Variants in CENPN observed in about 807,000 individuals in gnomAD.
CENPN encodes interphase centromere complex protein 32.
CENPN carries 36 observed loss-of-function variants against 48.6 expected under a neutral mutation model. That is an observed-to-expected ratio of 0.74 (90% CI 0.57 to 0.98). The LOEUF is 0.98. Ranked by LOEUF, CENPN falls within the 50% of genes least tolerant of loss-of-function variation. The pLI is 0.00. For missense variants in CENPN, 439 were observed against 399.2 expected (o/e 1.10, Z -0.85); for synonymous variants, 166 against 135.2 (o/e 1.23, Z -1.58).
chr16:81,029,263 T>C lies in CENPN; in HGVS notation c.*612T>C, dbSNP rs937466664. On this transcript the variant is annotated 3_prime_UTR_variant, in exon 11 of 11. Transcript: ENST00000305850. The stretch of plus-strand genomic sequence containing the variant: ...AATCTATTTTATCATGTGTATAACA[T>C]TCAAACTGACAAATATATTGACTTA... 1.1e-6 allele frequency: 1 copy of C among 914,642 alleles called. No individual in the cohort carries two copies. Among genetic ancestry groups the C allele is most frequent in the Non-Finnish European group, 1.3e-6 (1 of 765,536 alleles). 56.7% of individuals were successfully genotyped at this position (914,642 alleles called of 1,614,324 possible). A position where few individuals can be genotyped will look rare whatever the true frequency, so the allele number is the denominator to read the frequency against.
chr16:81,022,654 T>C lies in CENPN; in HGVS notation c.589T>C (p.Tyr197His), dbSNP rs763385585. 5.0e-6 allele frequency: 8 copies of C among 1,613,978 alleles called. No individual in the cohort carries two copies. Among genetic ancestry groups the C allele is most frequent in the Non-Finnish European group, 5.9e-6 (7 of 1,179,990 alleles). The change falls in exon 7 of 11, where the codon TAT (tyrosine) becomes CAT (histidine). Residue 197 changes from tyrosine to histidine, a missense_variant. By Grantham distance (83) the Tyr-to-His change is moderately conservative. Coordinates refer to ENST00000305850, the MANE Select transcript of CENPN (RefSeq NM_001100624.3). ...QIVKMDLRSR[Y>H]LDSLKAIVFK... ...TGTGAAAATGGACCTGAGAAGTCGG[T>C]ATCTGGACTCTCTTAAGGCTATTGT...
At chr16:81,009,738 T>G (rs1969663996) in intron 1 of CENPN, among the ~76,000 whole-genome samples, 1 of 152,222 alleles carries the variant, frequency 6.6e-6, no homozygotes, top group African/African-American at 2.4e-5. Flanking sequence ...GCCAGGACTC[T>G]TGTAGGAAGA....
At position 81,026,105 on chromosome 16, in the gene CENPN, G is replaced by GTA. The variant is rs1230932976; in HGVS notation, c.698-411_698-410dup. ...TGTGTGTGTGTATATATATGTGTGT[G>GTA]TATATATATATGTATATATATGTGT... On this transcript the variant is annotated intron_variant, in intron 8 of 10. Transcript: ENST00000305850. Among the ~76,000 whole-genome samples, 93 of 143,878 alleles carry GTA rather than the reference G, an allele frequency of 6.5e-4. 2 individuals carry two copies. In the East Asian group the frequency reaches 0.013, roughly 21 times the overall value. The allele number at this position is 143,878 out of a possible 152,430, so 94.4% of individuals were successfully genotyped here.
At chr16:81,032,733 A>G (rs1393350132), downstream of CENPN, 1 of 1,575,426 alleles carries the variant, frequency 6.3e-7, no homozygotes, top group Admixed American at 1.8e-5. Flanking sequence ...TAAATGGTTA[A>G]TCAAATGTAT....
intron 3 of CENPN, among the ~76,000 whole-genome samples, chr16:81,015,299 C>T (rs1466473753): frequency 6.6e-6 from 1 of 152,164 alleles, no homozygotes; most frequent in Non-Finnish European, 1.5e-5. Flanking sequence ...TGGGGCCAGA[C>T]CTCTTGGGTT....
At position 81,017,811 on chromosome 16, in the gene CENPN, A is replaced by G. The variant is rs773122412; in HGVS notation, c.331A>G (p.Ile111Val). Residue 111 changes from isoleucine (I) to valine (V), a missense_variant, in exon 5 of 11, where the codon ATT (isoleucine) becomes GTT (valine). Transcript: ENST00000305850. Reference sequence around the variant, plus strand: ...ACAATTTAAAAATTCGTTCAAGAAAATTCTTCAGAGAGCATTAAAAAATGT... The same window carrying G: ...ACAATTTAAAAATTCGTTCAAGAAAGTTCTTCAGAGAGCATTAAAAAATGT... ...MKQFKNSFKK[I>V]LQRALKNVTV... The G allele has an allele frequency of 4.3e-5, 68 of 1,581,528 alleles. No homozygotes were observed. In the Admixed American group the frequency reaches 9.5e-4, roughly 22 times the overall value.
intron 5 of CENPN, among the ~76,000 whole-genome samples, chr16:81,019,703 CA>C (rs200506008): frequency 0.01 from 1,542 of 150,344 alleles, 23 homozygotes; most frequent in African/African-American, 0.035. Context: ...ATCACCTCTA[CA>C]AAAAAAAACT....
chr16:81,022,810 T>C (rs368719925), intron 7 of CENPN, 112 bp downstream of exon 7: 3 of 1,613,724 alleles, frequency 1.9e-6, no homozygotes, highest in African/African-American at 2.7e-5. Flanking sequence ...ATTTTAGATA[T>C]TACCGAAATG....
At chr16:81,021,577 A>C (rs1219376008) in intron 6 of CENPN, among the ~76,000 whole-genome samples, 1 of 152,068 alleles carries the variant, frequency 6.6e-6, no homozygotes, top group Non-Finnish European at 1.5e-5. Flanking sequence ...CTTGCTTGTC[A>C]TTTAAGTTTT....
At chr16:81,023,040 A>T in intron 7 of CENPN, 2 of 648,744 alleles carry the variant, frequency 3.1e-6, no homozygotes, top group Admixed American at 6.9e-5. Flanking sequence ...AACAACAGAG[A>T]AGTAGAATTA....
downstream of CENPN, chr16:81,032,677 T>C (rs765318623): frequency 3.1e-6 from 5 of 1,609,176 alleles, no homozygotes; most frequent in Non-Finnish European, 4.2e-6. Flanking sequence ...GTTTGTCCCA[T>C]TGTATCCAAG....
chr16:81,024,833 A>G, intron 8 of CENPN, 55 bp downstream of exon 8: 2 of 1,175,366 alleles, frequency 1.7e-6, no homozygotes, highest in Non-Finnish European at 2.5e-6. Flanking sequence ...TCCCTTATAG[A>G]TTTCTTTCAC....
chr16:81,017,176 T>C, intron 3 of CENPN, 150 bp from the exon 4 acceptor site: 1 of 576,044 alleles, frequency 1.7e-6, no homozygotes, highest in Non-Finnish European at 3.0e-6. Flanking sequence ...CTTTAATCCA[T>C]ATAAAGTTTA....
chr16:81,015,587 A>G (rs1161035195), intron 3 of CENPN, among the ~76,000 whole-genome samples: 1 of 152,234 alleles, frequency 6.6e-6, no homozygotes, highest in East Asian at 1.9e-4. Flanking sequence ...GCTCCAATTC[A>G]GCTATTGCTG....
chr16:81,022,737 A>G (rs375442059), intron 7 of CENPN, 39 bp downstream of exon 7: 33 of 1,613,940 alleles, frequency 2.0e-5, no homozygotes, highest in Non-Finnish European at 2.5e-5. Context: ...GTAAATCTTT[A>G]TTTTCTCTTT....
rs142142027 is a variant in CENPN, at chr16:81,029,722, G to C, written c.*1071G>C. ...TCTGAGTAGCTGGGACTACAGGCCT[G>C]CACCACCATGCCCAGCTAATTTTTG... is the stretch of plus-strand genomic sequence containing the variant. On this transcript the variant is annotated 3_prime_UTR_variant, in exon 11 of 11. Coordinates refer to ENST00000305850, the MANE Select transcript of CENPN (RefSeq NM_001100624.3). 3.7e-3 allele frequency among the ~76,000 whole-genome samples: 570 copies of C among 152,230 alleles called. 23 individuals carry two copies. The East Asian group carries it at 0.094, about 25-fold the overall frequency.
rs1366124729 is a variant in CENPN at position 81,025,689 on chromosome 16, CTCTTTTTTTTTT to C, written c.698-835_698-824del. ...TGGGCAACATAGTGAGACCCTGTCT[CTCTTTTTTTTTT>C]TTTTTTTTTTTTTTTTTTTAAGACA... On this transcript the variant is annotated intron_variant, in intron 8 of 10. Coordinates refer to ENST00000305850, the MANE Select transcript of CENPN (RefSeq NM_001100624.3). Among the ~76,000 whole-genome samples the C allele has an allele frequency of 7.4e-3, 999 of 135,226 alleles. 40 individuals are homozygous for C. The highest frequency in any genetic ancestry group is 0.011 in the Non-Finnish European group (687 of 64,944). 88.7% of individuals were successfully genotyped at this position (135,226 alleles called of 152,430 possible).
intron 2 of CENPN, among the ~76,000 whole-genome samples, chr16:81,012,910 TA>T (rs1969798577): frequency 6.6e-6 from 1 of 152,194 alleles, no homozygotes; most frequent in Non-Finnish European, 1.5e-5. Context: ...TGCTTTTAAA[TA>T]AATATACTTT....
At chr16:81,007,832 C>G (rs978771144) in intron 1 of CENPN, among the ~76,000 whole-genome samples, 26 of 152,114 alleles carry the variant, frequency 1.7e-4, no homozygotes, top group Non-Finnish European at 3.4e-4. Flanking sequence ...TGGGGCCAGG[C>G]GCGGTAGTTT....
Sources: allele counts gnomAD v4.1 joint callset (sites outside exome capture counted in the v4.1 genomes callset), GRCh38; gene constraint gnomAD v4.1.1; transcripts MANE v1.5; gene names NCBI Gene and HGNC (gene_info 2026-07-23, HGNC 2026-07-21).